CFAP54: variants seen among roughly 807,000 people sequenced by gnomAD.
CFAP54 encodes the protein cilia- and flagella-associated protein 54.
Under a neutral mutation model 370.4 loss-of-function variants are expected in CFAP54, and 290 were observed. The ratio of observed to expected loss-of-function variants is 0.78; its 90% confidence interval spans 0.71 to 0.86. CFAP54 has a LOEUF of 0.86. Among genes scored for constraint, CFAP54 ranks in the 40% least tolerant of loss-of-function variants. The pLI is 0.00. For missense variants in CFAP54, 3,399 were observed against 3,528.7 expected (o/e 0.96, Z 0.93); for synonymous variants, 1,206 against 1,236.5 (o/e 0.98, Z 0.52).
At chr12:96,709,655 G>A (rs980790362) in intron 48 of CFAP54, among the ~76,000 whole-genome samples, 13 of 151,272 alleles carry the variant, frequency 8.6e-5, no homozygotes, top group Non-Finnish European at 1.6e-4. Flanking sequence ...ATTTTTGGTC[G>A]TTTAACCAAC....
Position 96,703,671 on chromosome 12 carries a change from GA to G in CFAP54, c.6475-1063del, listed in dbSNP as rs925917055. Among the ~76,000 whole-genome samples the G allele has an allele frequency of 6.1e-5, 9 of 147,428 alleles. No individual in the cohort carries two copies. In the East Asian group the frequency reaches 9.9e-4, roughly 16 times the overall value. On this transcript the variant is annotated intron_variant, in intron 46 of 67. Transcript: ENST00000524981. ...TAATGACAAGTAATACACCAAAAAG[GA>G]AAAAAAAACCAAAAATATTTATTCT...
At chr12:96,607,734 A>T (rs1441271769) in intron 26 of CFAP54, among the ~76,000 whole-genome samples, 2 of 152,208 alleles carry the variant, frequency 1.3e-5, no homozygotes, top group African/African-American at 4.8e-5. Flanking sequence ...GACAAATCTT[A>T]AAGTTTTGTG....
In CFAP54 at chr12:96,564,765, G is replaced by T; in HGVS notation, c.2619G>T (p.Met873Ile). The change falls in exon 19 of 68, where the codon ATG becomes ATT. Residue 873 changes from methionine to isoleucine, a missense_variant and splice_region_variant. Transcript: ENST00000524981. The stretch of plus-strand genomic sequence containing the variant: ...CTACATCTTCATGGGAACTTTTGAT[G>T]GTAACAGTATTTCATTTCTTCTTTT... The part of the protein sequence containing the change: ...ATSTSSWELL[M>I]EAYSLIQRIE... 2 of 603,394 alleles carry T rather than the reference G, an allele frequency of 3.3e-6. No individual in the cohort carries two copies. Among genetic ancestry groups the T allele is most frequent in the Non-Finnish European group, 5.8e-6 (2 of 346,296 alleles). 37.4% of individuals were successfully genotyped at this position (603,394 alleles called of 1,614,324 possible).
chr12:96,606,766 G>A (rs900070196), intron 26 of CFAP54, among the ~76,000 whole-genome samples: 2 of 152,202 alleles, frequency 1.3e-5, no homozygotes, highest in Non-Finnish European at 2.9e-5. Context: ...CCTTGGAAAC[G>A]AGAAGGAACT....
At chr12:96,548,856 AT>A (rs35755598) in intron 15 of CFAP54, among the ~76,000 whole-genome samples, 4,697 of 142,414 alleles carry the variant, frequency 0.033, 209 homozygotes, top group African/African-American at 0.098. Context: ...CCTCCGGTAG[AT>A]TTTTTTTTTT....
intron 32 of CFAP54, among the ~76,000 whole-genome samples, chr12:96,641,215 T>C (rs1319899517): frequency 1.3e-5 from 2 of 151,948 alleles, no homozygotes; most frequent in Admixed American, 1.3e-4. Context: ...TACAATGAAC[T>C]CAAACAAATT....
At chr12:96,789,347 A>T (rs149965820) in intron 62 of CFAP54, among the ~76,000 whole-genome samples, 96 of 152,348 alleles carry the variant, frequency 6.3e-4, no homozygotes, top group African/African-American at 2.3e-3. Flanking sequence ...CTGGCCCTGC[A>T]CACAGAAGGG....
chr12:96,826,691 ATAT>A (rs1959111848), intron 65 of CFAP54, among the ~76,000 whole-genome samples: 1 of 110,562 alleles, frequency 9.0e-6, no homozygotes, highest in African/African-American at 3.7e-5. Flanking sequence ...AATATATTAC[ATAT>A]TATAATATAT....
At chr12:96,863,505 G>A (rs531324823) in intron 67 of CFAP54, among the ~76,000 whole-genome samples, 20 of 152,272 alleles carry the variant, frequency 1.3e-4, no homozygotes, top group East Asian at 3.9e-4. Context: ...AAATCCTCCC[G>A]GAAGAATCTG....
At chr12:96,857,764 C>T (rs778472226) in intron 66 of CFAP54, among the ~76,000 whole-genome samples, 83 of 152,220 alleles carry the variant, frequency 5.5e-4, no homozygotes, top group Admixed American at 1.8e-3. Context: ...TCTCCCACCC[C>T]GCGAAGAGGG....
intron 26 of CFAP54, among the ~76,000 whole-genome samples, chr12:96,614,661 C>G (rs1333442431): frequency 6.6e-6 from 1 of 152,228 alleles, no homozygotes; most frequent in Non-Finnish European, 1.5e-5. Context: ...GCAACTTCAG[C>G]AAAGTCTCAG....
intron 48 of CFAP54, 33 bp downstream of exon 48, chr12:96,708,836 C>G: frequency 1.3e-6 from 2 of 1,531,434 alleles, no homozygotes; most frequent in Non-Finnish European, 8.9e-7. Context: ...ATTTCTCTTT[C>G]TCCTCCCTTT....
chr12:96,568,474 A>C (rs1270619523), intron 19 of CFAP54, among the ~76,000 whole-genome samples: 1 of 152,128 alleles, frequency 6.6e-6, no homozygotes, highest in African/African-American at 2.4e-5. Context: ...GTTTTTATCT[A>C]AATGTTAAGG....
rs372696653 is a variant in CFAP54 at position 96,750,285 on chromosome 12, TGCAGCAGCAGCAGCA to T, written c.7685-3443_7685-3429del. On this transcript the variant is annotated intron_variant, in intron 55 of 67. Transcript: ENST00000524981. ...CACCTTCTAGGACCCACCTGTCTCC[TGCAGCAGCAGCAGCA>T]GCAGCAGCAGCAGCTCTGGAGAAGC... Among the ~76,000 whole-genome samples, 88 of 151,632 alleles carry T rather than the reference TGCAGCAGCAGCAGCA, an allele frequency of 5.8e-4. 1 individual carries two copies. Among genetic ancestry groups the T allele is most frequent in the Admixed American group, 5.4e-3 (82 of 15,192 alleles).
chr12:96,705,413 GATTC>G, intron 47 of CFAP54, among the ~76,000 whole-genome samples: 1 of 151,420 alleles, frequency 6.6e-6, no homozygotes, highest in East Asian at 1.9e-4. Context: ...TCCTTCAGAT[GATTC>G]ATTGTTTTTT....
At position 96,522,198 on chromosome 12, in the gene CFAP54, A is replaced by T. The variant is rs1478755521; in HGVS notation, c.1158+9A>T. ...TAAGGGAAGTACAAACTGTAAGTCT[A>T]AACATGTCTTCTCTCTTTAAGACTC... On this transcript the variant is annotated intron_variant, in intron 8 of 67. Coordinates refer to ENST00000524981, the MANE Select transcript of CFAP54 (RefSeq NM_001306084.2). 3 of 1,487,252 alleles carry T rather than the reference A, an allele frequency of 2.0e-6. No individual in the cohort carries two copies. The highest frequency in any genetic ancestry group is 2.7e-6 in the Non-Finnish European group (3 of 1,108,982). 92.1% of individuals were successfully genotyped at this position (1,487,252 alleles called of 1,614,324 possible).
intron 4 of CFAP54, among the ~76,000 whole-genome samples, chr12:96,512,380 T>C (rs1955183109): frequency 8.0e-6 from 1 of 124,322 alleles, no homozygotes; most frequent in Admixed American, 8.2e-5. Context: ...TCTTGCTCTG[T>C]CGCCCAGGCT....
intron 50 of CFAP54, among the ~76,000 whole-genome samples, chr12:96,729,767 C>T (rs1957896472): frequency 1.3e-5 from 2 of 152,186 alleles, no homozygotes; most frequent in Non-Finnish European, 2.9e-5. Flanking sequence ...CAGAAATCAC[C>T]CGTCTTCTGC....
intron 26 of CFAP54, among the ~76,000 whole-genome samples, chr12:96,600,651 CT>C (rs1166620296): frequency 6.6e-6 from 1 of 152,164 alleles, no homozygotes; most frequent in African/African-American, 2.4e-5. Context: ...TTTGTGTCCT[CT>C]GTTATTTCGT....
Sources: gnomAD v4.1 joint callset for allele counts (sites outside exome capture counted in the v4.1 genomes callset) on GRCh38, gnomAD v4.1.1 for gene constraint, MANE v1.5 for transcripts, NCBI Gene and HGNC (gene_info 2026-07-23, HGNC 2026-07-21) for gene names.